The following PRKG1 variants were observed in gnomAD, a reference collection of about 807,000 sequenced individuals.
PRKG1 encodes the protein cGMP-dependent protein kinase 1.
Under a neutral mutation model 88.1 loss-of-function variants are expected in PRKG1, and 35 were observed. The ratio of observed to expected loss-of-function variants is 0.40; its 90% confidence interval spans 0.30 to 0.53. PRKG1 has a LOEUF of 0.53. Among genes scored for constraint, PRKG1 ranks in the 20% least tolerant of loss-of-function variants. The probability of loss-of-function intolerance (pLI) is 0.59; values close to 1 mark genes in which losing one functional copy is unlikely to be tolerated. For synonymous variants in PRKG1, 303 were observed against 292.5 expected (o/e 1.04, Z -0.37); for missense variants, 540 against 839.8 (o/e 0.64, Z 4.41).
At chr10:51,927,845 G>C (rs1420496402) in intron 5 of PRKG1, among the ~76,000 whole-genome samples, 1 of 152,136 alleles carries the variant, frequency 6.6e-6, no homozygotes, top group Non-Finnish European at 1.5e-5. Context: ...TTTAAGGCAG[G>C]AGTCAGCAAA....
rs940169373 is a variant in PRKG1, at chr10:52,011,220, G to A, written c.763-43264G>A. ...TCCCTTTAAGTTTCTGCCTTCAGAG[G>A]AACATCCAGGCTTTATTTTTAGAAT... On this transcript the variant is annotated intron_variant, in intron 5 of 17. Transcript: ENST00000373980. 5.8e-4 allele frequency among the ~76,000 whole-genome samples: 88 copies of A among 152,150 alleles called. 1 individual carries two copies. Among genetic ancestry groups the A allele is most frequent in the Non-Finnish European group, 2.4e-4 (16 of 68,024 alleles).
chr10:51,275,951 A>G (rs953155399), intron 2 of PRKG1, among the ~76,000 whole-genome samples: 3 of 152,018 alleles, frequency 2.0e-5, no homozygotes, highest in African/African-American at 7.3e-5. Context: ...TAAAGCAAAG[A>G]AGATGAAATT....
chr10:52,064,092 A>T (rs1846300727), intron 7 of PRKG1, among the ~76,000 whole-genome samples: 1 of 152,008 alleles, frequency 6.6e-6, no homozygotes, highest in Non-Finnish European at 1.5e-5. Flanking sequence ...CTTAATGGGG[A>T]TCCACCACGT....
chr10:51,972,750 A>T (rs754887852), intron 5 of PRKG1, among the ~76,000 whole-genome samples: 52 of 152,336 alleles, frequency 3.4e-4, no homozygotes, highest in Non-Finnish European at 5.9e-4. Flanking sequence ...TCAAACAGTT[A>T]AAGCTATTTC....
At chr10:51,615,961 T>G (rs1479199367) in intron 3 of PRKG1, among the ~76,000 whole-genome samples, 1 of 152,184 alleles carries the variant, frequency 6.6e-6, no homozygotes, top group East Asian at 1.9e-4. Flanking sequence ...ATTTTTAAAA[T>G]TTGCTTTTGT....
At chr10:51,669,352 G>T (rs1840500148) in intron 3 of PRKG1, among the ~76,000 whole-genome samples, 2 of 152,154 alleles carry the variant, frequency 1.3e-5, no homozygotes, top group Admixed American at 6.5e-5. Flanking sequence ...AAGGACACCA[G>T]CGCTAATGGA....
chr10:51,052,392 C>A (rs559050523), intron 1 of PRKG1, among the ~76,000 whole-genome samples: 1 of 152,284 alleles, frequency 6.6e-6, no homozygotes, highest in African/African-American at 2.4e-5. Context: ...TCCCATGGAC[C>A]AATGCCCAGT....
At chr10:51,876,759 T>G (rs1320866006) in intron 4 of PRKG1, among the ~76,000 whole-genome samples, 1 of 152,120 alleles carries the variant, frequency 6.6e-6, no homozygotes, top group Admixed American at 6.5e-5. Flanking sequence ...TGCCAAGAAA[T>G]TAATGAATCT....
chr10:52,074,515 A>G (rs915912252), intron 7 of PRKG1, among the ~76,000 whole-genome samples: 4 of 152,196 alleles, frequency 2.6e-5, no homozygotes, highest in African/African-American at 4.8e-5. Context: ...GTGCCACAAG[A>G]TAAGAAAAAA....
intron 6 of PRKG1, among the ~76,000 whole-genome samples, chr10:52,054,951 A>G (rs1414405656): frequency 1.3e-5 from 2 of 152,158 alleles, no homozygotes; most frequent in African/African-American, 4.8e-5. Context: ...CTTAGGCAAC[A>G]TGCCAAAACC....
intron 9 of PRKG1, among the ~76,000 whole-genome samples, chr10:52,214,090 G>T (rs1840052357): frequency 6.6e-6 from 1 of 152,068 alleles, no homozygotes; most frequent in African/African-American, 2.4e-5. Context: ...CATCCAATAT[G>T]TCAGCCATTC....
chr10:51,554,999 T>C (rs1399450694), intron 3 of PRKG1, among the ~76,000 whole-genome samples: 1 of 151,984 alleles, frequency 6.6e-6, no homozygotes, highest in Non-Finnish European at 1.5e-5. Flanking sequence ...ACATGCTCTT[T>C]ATGCAGCAAA....
At chr10:51,580,486 A>C (rs1010843371) in intron 3 of PRKG1, among the ~76,000 whole-genome samples, 14 of 152,110 alleles carry the variant, frequency 9.2e-5, no homozygotes, top group Non-Finnish European at 1.5e-5. Context: ...TATGTTTCTG[A>C]ATTAAAAAAA....
intron 3 of PRKG1, chr10:51,699,163 G>T (rs1841394640): frequency 3.7e-6 from 6 of 1,614,044 alleles, no homozygotes; most frequent in Non-Finnish European, 8.5e-7. Context: ...CTACTGCTCT[G>T]GTAATCGATT....
intron 2 of PRKG1, among the ~76,000 whole-genome samples, chr10:51,157,260 G>A (rs1359450030): frequency 6.6e-6 from 1 of 151,890 alleles, no homozygotes; most frequent in Non-Finnish European, 1.5e-5. Context: ...ATACTTAAAA[G>A]TGCTACCTAG....
intron 5 of PRKG1, among the ~76,000 whole-genome samples, chr10:51,936,366 T>C (rs981974076): frequency 4.5e-4 from 68 of 152,218 alleles, no homozygotes; most frequent in African/African-American, 1.5e-3. Context: ...ATTTCTTTCA[T>C]ATAATGCATA....
At chr10:51,456,837 G>A (rs1381636794) in intron 2 of PRKG1, among the ~76,000 whole-genome samples, 1 of 152,086 alleles carries the variant, frequency 6.6e-6, no homozygotes, top group Non-Finnish European at 1.5e-5. Context: ...ATGAAAAAAT[G>A]CTCAACATCA....
intron 2 of PRKG1, among the ~76,000 whole-genome samples, chr10:51,184,398 G>C (rs550212775): frequency 6.6e-6 from 1 of 152,170 alleles, no homozygotes; most frequent in East Asian, 1.9e-4. Flanking sequence ...GTTGCTTTTT[G>C]TTCCATTACC....
chr10:51,641,377 A>T (rs1839796605), intron 3 of PRKG1, among the ~76,000 whole-genome samples: 1 of 152,148 alleles, frequency 6.6e-6, no homozygotes, highest in South Asian at 2.1e-4. Flanking sequence ...ATCAGACAGG[A>T]ACGGAACAAA....
Sources: gnomAD v4.1 joint callset for allele counts (sites outside exome capture counted in the v4.1 genomes callset) on GRCh38, gnomAD v4.1.1 for gene constraint, MANE v1.5 for transcripts, NCBI Gene and HGNC (gene_info 2026-07-23, HGNC 2026-07-21) for gene names.